The following DPP6 variants were observed in gnomAD, a reference collection of about 807,000 sequenced individuals.
DPP6 encodes the protein A-type potassium channel modulatory protein DPP6.
Under a neutral mutation model 122.6 loss-of-function variants are expected in DPP6, and 69 were observed. That is an observed-to-expected ratio of 0.56 (90% confidence interval 0.46 to 0.69). The LOEUF (loss-of-function observed/expected upper bound fraction) is 0.69, where lower values mean the gene tolerates loss of function less well. Among genes scored for constraint, DPP6 ranks in the 30% least tolerant of loss-of-function variants. The pLI, the probability that DPP6 is intolerant of heterozygous loss-of-function variation, is 0.00. For synonymous variants in DPP6, 418 were observed against 433.1 expected (o/e 0.97, Z 0.43); for missense variants, 928 against 1,116.9 (o/e 0.83, Z 2.41).
chr7:154,387,171 G>A (rs1290184161), intron 1 of DPP6, among the ~76,000 whole-genome samples: 1 of 152,070 alleles, frequency 6.6e-6, no homozygotes, highest in Non-Finnish European at 1.5e-5. Flanking sequence ...TCTGAGCTCC[G>A]GACAAATTCT....
intron 1 of DPP6, among the ~76,000 whole-genome samples, chr7:153,918,507 AAAG>A (rs1214485537): frequency 8.0e-6 from 1 of 125,068 alleles, no homozygotes; most frequent in Non-Finnish European, 1.7e-5. Flanking sequence ...GCCAAGGCAA[AAAG>A]AAGAGGTAAT....
At chr7:154,681,785 G>A (rs1298210359) in intron 7 of DPP6, among the ~76,000 whole-genome samples, 3 of 152,148 alleles carry the variant, frequency 2.0e-5, no homozygotes, top group Non-Finnish European at 4.4e-5. Context: ...GAATAACTGC[G>A]ACCTTTTCTT....
rs752831233 is a variant in DPP6, at chr7:154,892,812, C to T, written c.*332C>T. 1.1e-5 allele frequency: 6 copies of T among 568,270 alleles called. No homozygotes were observed. The highest frequency in any genetic ancestry group is 2.9e-4 in the Middle Eastern group (1 of 3,426). The allele number at this position is 568,270 out of a possible 1,614,324, so 35.2% of individuals were successfully genotyped here. On this transcript the variant is annotated 3_prime_UTR_variant, in exon 26 of 26. Coordinates refer to ENST00000377770, the MANE Select transcript of DPP6 (RefSeq NM_130797.4). The stretch of plus-strand genomic sequence containing the variant: ...GGCCCCACGCGAGCCCACAGGACAC[C>T]GGCCCCTAGATTCCAGCCACCAAGC...
the DPP6 span, among the ~76,000 whole-genome samples, chr7:153,822,275 C>T: frequency 6.6e-6 from 1 of 150,878 alleles, no homozygotes; most frequent in Non-Finnish European, 1.5e-5. Context: ...CTGCAAGCTC[C>T]ACCTCCCAAC....
the DPP6 span, among the ~76,000 whole-genome samples, chr7:153,794,069 T>A: frequency 6.6e-6 from 1 of 152,226 alleles, no homozygotes; most frequent in Non-Finnish European, 1.5e-5. Flanking sequence ...GCTAGGGCAG[T>A]GCAGACGGAA....
intron 1 of DPP6, among the ~76,000 whole-genome samples, chr7:154,395,231 T>C (rs1244849785): frequency 6.6e-6 from 1 of 152,216 alleles, no homozygotes; most frequent in Non-Finnish European, 1.5e-5. Flanking sequence ...ACATTCTGCC[T>C]TCTTGACCTA....
At chr7:153,876,634 A>C in the DPP6 span, among the ~76,000 whole-genome samples, 1 of 152,234 alleles carries the variant, frequency 6.6e-6, no homozygotes, top group South Asian at 2.1e-4. Context: ...AATTTACCCA[A>C]TAGAACAGCA....
At chr7:154,575,364 GATGTGTGTGT>G (rs1831531168) in intron 5 of DPP6, among the ~76,000 whole-genome samples, 2 of 59,550 alleles carry the variant, frequency 3.4e-5, no homozygotes, top group Non-Finnish European at 6.8e-5. Flanking sequence ...GTGTGTGTGT[GATGTGTGTGT>G]ATGTGTGTGA....
At position 153,970,206 on chromosome 7, in the gene DPP6, G is replaced by C. The variant is rs528760270; in HGVS notation, c.51+82472G>C. Among the ~76,000 whole-genome samples, 17 of 152,210 alleles carry C rather than the reference G, an allele frequency of 1.1e-4. No individual in the cohort carries two copies. In the South Asian group the frequency reaches 2.5e-3, roughly 22 times the overall value. On this transcript the variant is annotated intron_variant, in intron 1 of 25. Transcript: ENST00000404039. ...AGCAAAATATTTAGTAGAATTACTG[G>C]TCATATGATAAGTTTATGTTTAACG...
intron 1 of DPP6, among the ~76,000 whole-genome samples, chr7:154,153,011 C>T (rs1323635448): frequency 6.6e-6 from 1 of 152,198 alleles, no homozygotes; most frequent in Non-Finnish European, 1.5e-5. Flanking sequence ...GCATAAAACC[C>T]GATGAAGTGG....
intron 1 of DPP6, among the ~76,000 whole-genome samples, chr7:154,396,648 A>G (rs1224183190): frequency 6.6e-6 from 1 of 152,252 alleles, no homozygotes; most frequent in Non-Finnish European, 1.5e-5. Context: ...CAGAGTTATT[A>G]CGTGTTAGAG....
chr7:153,802,160 G>C, the DPP6 span, among the ~76,000 whole-genome samples: 492 of 152,240 alleles, frequency 3.2e-3, 4 homozygotes, highest in African/African-American at 9.9e-3. Context: ...TTTCGGAGTG[G>C]GGCACACCTA....
At chr7:153,895,022 G>A (rs1799348694) in intron 1 of DPP6, among the ~76,000 whole-genome samples, 1 of 152,024 alleles carries the variant, frequency 6.6e-6, no homozygotes, top group African/African-American at 2.4e-5. Context: ...TAGTCACCAG[G>A]GAAAAGATGA....
At chr7:153,830,323 A>G in the DPP6 span, among the ~76,000 whole-genome samples, 2 of 152,208 alleles carry the variant, frequency 1.3e-5, no homozygotes, top group Non-Finnish European at 1.5e-5. Context: ...AGCTTTGGTC[A>G]TTGGATTTTC....
At position 154,825,066 on chromosome 7, in the gene DPP6, C is replaced by T. The variant is rs545498288; in HGVS notation, c.1666+17954C>T. On this transcript the variant is annotated intron_variant, in intron 16 of 25. Transcript: ENST00000377770. ...ACAATTTGAAAAATATTTCTTTTGG[C>T]GAAATGAAACACCTGCAGGCCACAT... 4.6e-5 allele frequency among the ~76,000 whole-genome samples: 7 copies of T among 152,200 alleles called. No individual in the cohort carries two copies. The East Asian group carries it at 5.8e-4, about 13-fold the overall frequency.
the DPP6 span, among the ~76,000 whole-genome samples, chr7:153,748,926 G>A: frequency 2.6e-5 from 4 of 151,432 alleles, no homozygotes; most frequent in African/African-American, 9.7e-5. Flanking sequence ...TAGAGAATCT[G>A]GGCCCCTCAA....
chr7:154,517,158 C>A (rs1826583509), intron 3 of DPP6, among the ~76,000 whole-genome samples: 1 of 152,164 alleles, frequency 6.6e-6, no homozygotes, highest in Admixed American at 6.5e-5. Context: ...GCCTCTGTAG[C>A]TCCCCTGGCA....
intron 8 of DPP6, among the ~76,000 whole-genome samples, chr7:154,731,183 C>A (rs1393566789): frequency 6.6e-6 from 1 of 151,640 alleles, no homozygotes. Context: ...CAAACACTTC[C>A]TTTAAAAAAG....
At chr7:154,223,485 G>A (rs1800421003) in intron 1 of DPP6, among the ~76,000 whole-genome samples, 1 of 149,362 alleles carries the variant, frequency 6.7e-6, no homozygotes, top group South Asian at 2.1e-4. Flanking sequence ...TGAAACCTAG[G>A]AGTTGGTGGG....
Sources: allele counts gnomAD v4.1 joint callset (sites outside exome capture counted in the v4.1 genomes callset), GRCh38; gene constraint gnomAD v4.1.1; transcripts MANE v1.5; gene names NCBI Gene and HGNC (gene_info 2026-07-23, HGNC 2026-07-21).